WWOX: variants seen among roughly 807,000 people sequenced by gnomAD.
WWOX encodes WW domain-containing oxidoreductase.
In WWOX, 69 loss-of-function variants were observed where a neutral mutation model predicts 46.2. The observed-to-expected ratio is 1.49, with a 90% CI of 1.23 to 1.82. The LOEUF (loss-of-function observed/expected upper bound fraction) is 1.82, where lower values mean the gene tolerates loss of function less well. Ranked by LOEUF, WWOX falls within the 40% of genes most tolerant of loss-of-function variation. The pLI is 0.00. For synonymous variants in WWOX, 359 were observed against 202.6 expected, an observed-to-expected ratio of 1.77 and a Z score of -6.56; for missense variants, 919 against 542.6, an observed-to-expected ratio of 1.69 and a Z score of -6.89.
chr16:78,781,528 A>G (rs1050902970), intron 8 of WWOX, among the ~76,000 whole-genome samples: 1 of 152,320 alleles, frequency 6.6e-6, no homozygotes, highest in Non-Finnish European at 1.5e-5. Context: ...TTAATGGGCG[A>G]TGGGTTAATA....
In WWOX at chr16:78,439,537, C is replaced by A. The variant is rs191584604; in HGVS notation, c.1056+6785C>A. On this transcript the variant is annotated intron_variant, in intron 8 of 8. Coordinates refer to ENST00000566780, the MANE Select transcript of WWOX (RefSeq NM_016373.4). ...TACAGTGCTTGCTTAGTCCAGTGAC[C>A]AATGGATGTAAGTAAGTTGGAAAAG... Among the ~76,000 whole-genome samples the A allele has an allele frequency of 8.5e-5, 13 of 152,270 alleles. No individual in the cohort carries two copies. In the East Asian group the frequency reaches 1.9e-3, roughly 23 times the overall value.
At chr16:78,493,274 T>C (rs891932806) in intron 8 of WWOX, among the ~76,000 whole-genome samples, 2 of 152,198 alleles carry the variant, frequency 1.3e-5, no homozygotes, top group African/African-American at 4.8e-5. Context: ...AAATGTCCTA[T>C]GTTAAGAATC....
At chr16:78,300,367 C>T (rs951493436) in intron 5 of WWOX, among the ~76,000 whole-genome samples, 4 of 152,164 alleles carry the variant, frequency 2.6e-5, no homozygotes, top group African/African-American at 4.8e-5. Flanking sequence ...TAGAGGATTC[C>T]GAAAGCTAGC....
At position 78,543,105 on chromosome 16, in the gene WWOX, G is replaced by T. The variant is rs113673792; in HGVS notation, c.1056+110353G>T. ...ATTTCTTGCTCATACGACATGTCCAGTGTGGGCTGGCATGTTCTTCTGCAC... is the reference window on the plus strand; with the variant it reads ...ATTTCTTGCTCATACGACATGTCCATTGTGGGCTGGCATGTTCTTCTGCAC... On this transcript the variant is annotated intron_variant, in intron 8 of 8. Transcript: ENST00000566780. Among the ~76,000 whole-genome samples, 44 of 152,358 alleles carry T rather than the reference G, an allele frequency of 2.9e-4. 1 individual carries two copies. Among genetic ancestry groups the T allele is most frequent in the African/African-American group, 9.6e-4 (40 of 41,582 alleles).
chr16:78,860,892 A>G (rs1425261089), intron 8 of WWOX, among the ~76,000 whole-genome samples: 1 of 152,158 alleles, frequency 6.6e-6, no homozygotes. Context: ...GCTAGAGTGC[A>G]GTGGCCTCAA....
chr16:78,886,073 C>T (rs541253750), intron 8 of WWOX, among the ~76,000 whole-genome samples: 59 of 151,834 alleles, frequency 3.9e-4, no homozygotes, highest in Admixed American at 2.1e-3. Flanking sequence ...TACAGGTGCT[C>T]GCCACCACAC....
intron 5 of WWOX, among the ~76,000 whole-genome samples, chr16:78,380,108 G>T (rs1316981516): frequency 6.6e-6 from 1 of 152,198 alleles, no homozygotes; most frequent in Non-Finnish European, 1.5e-5. Flanking sequence ...GAGGGAAACT[G>T]GAGAAGTGTA....
intron 8 of WWOX, among the ~76,000 whole-genome samples, chr16:78,872,534 A>C (rs144569453): frequency 0.012 from 1,822 of 152,298 alleles, 28 homozygotes; most frequent in Middle Eastern, 0.024. Flanking sequence ...CAAGTGCATT[A>C]ATCACTCTAA....
intron 8 of WWOX, among the ~76,000 whole-genome samples, chr16:78,563,336 C>G (rs1010008760): frequency 1.3e-5 from 2 of 151,958 alleles, no homozygotes; most frequent in African/African-American, 4.8e-5. Flanking sequence ...TTTCAATACT[C>G]TGAATATCAC....
chr16:78,746,614 G>T (rs145809888), intron 8 of WWOX, among the ~76,000 whole-genome samples: 1 of 151,658 alleles, frequency 6.6e-6, no homozygotes, highest in Non-Finnish European at 1.5e-5. Flanking sequence ...TTTTTCATGG[G>T]ATATTAGTCA....
chr16:78,222,073 C>T (rs1449285767), intron 5 of WWOX, among the ~76,000 whole-genome samples: 1 of 152,138 alleles, frequency 6.6e-6, no homozygotes, highest in African/African-American at 2.4e-5. Flanking sequence ...GCCTCAGATG[C>T]CCCTCCATTT....
At chr16:79,203,185 A>C (rs2051398631) in intron 8 of WWOX, 1 of 152,168 alleles carries the variant, frequency 6.6e-6, no homozygotes, top group Non-Finnish European at 1.5e-5. Context: ...TCTCTGTGTA[A>C]AGGCAGTGCC....
At chr16:78,643,398 C>A (rs1225565793) in intron 8 of WWOX, among the ~76,000 whole-genome samples, 2 of 152,112 alleles carry the variant, frequency 1.3e-5, no homozygotes, top group African/African-American at 4.8e-5. Flanking sequence ...GTGGCTAGTT[C>A]AGGGACAGTG....
chr16:78,711,098 A>G (rs955686500), intron 8 of WWOX, among the ~76,000 whole-genome samples: 8 of 152,216 alleles, frequency 5.3e-5, no homozygotes, highest in African/African-American at 7.2e-5. Flanking sequence ...GATTACTTCC[A>G]ACACGTTTCT....
chr16:79,079,359 A>T (rs1399677068), intron 8 of WWOX, among the ~76,000 whole-genome samples: 2 of 152,200 alleles, frequency 1.3e-5, no homozygotes, highest in East Asian at 1.9e-4. Context: ...ACAAAAAAAA[A>T]TATGACAGAA....
rs1041579022 is a variant in WWOX, at chr16:78,672,477, G to T, written c.1056+239725G>T. Among the ~76,000 whole-genome samples the T allele has an allele frequency of 2.6e-5, 4 of 152,156 alleles. No homozygotes were observed. In the East Asian group the frequency reaches 7.7e-4, roughly 29 times the overall value. On this transcript the variant is annotated intron_variant, in intron 8 of 8. Coordinates refer to ENST00000566780, the MANE Select transcript of WWOX (RefSeq NM_016373.4). ...GCACTCCTCATGTTCCGGTTTCTGT[G>T]ATCATTCAGGCATGCACAGGTATCC...
At chr16:78,498,203 T>C (rs1289205991) in intron 8 of WWOX, among the ~76,000 whole-genome samples, 1 of 9,776 alleles carries the variant, frequency 1.0e-4, no homozygotes, top group Non-Finnish European at 1.6e-3. Context: ...AGACTCCATC[T>C]CAAAAAAAAA....
At chr16:79,052,677 C>T (rs535040273) in intron 8 of WWOX, among the ~76,000 whole-genome samples, 40 of 152,278 alleles carry the variant, frequency 2.6e-4, no homozygotes, top group Admixed American at 2.0e-3. Context: ...GTAGAGTACA[C>T]GTGTCAGGTT....
intron 8 of WWOX, among the ~76,000 whole-genome samples, chr16:78,813,320 T>TA (rs914429544): frequency 7.9e-5 from 12 of 151,914 alleles, no homozygotes; most frequent in South Asian, 2.1e-4. Flanking sequence ...TATACAGCCT[T>TA]AAAAAAAACA....
Sources: allele counts gnomAD v4.1 joint callset (sites outside exome capture counted in the v4.1 genomes callset), GRCh38; gene constraint gnomAD v4.1.1; transcripts MANE v1.5; gene names NCBI Gene and HGNC (gene_info 2026-07-23, HGNC 2026-07-21).